The following TNIK variants were observed in gnomAD, a reference collection of about 807,000 sequenced individuals.
TNIK encodes the protein TRAF2 and NCK interacting kinase, also known as TRAF2 and NCK-interacting protein kinase.
A neutral mutation model predicts 191.3 loss-of-function variants in TNIK; 49 were observed. The ratio of observed to expected loss-of-function variants is 0.26; its 90% confidence interval spans 0.20 to 0.32. The LOEUF is 0.32. TNIK is among the 10% of genes least tolerant of loss of function. The pLI, the probability that TNIK is intolerant of heterozygous loss-of-function variation, is 1.00. For missense variants in TNIK, 1,155 were observed against 1,702.3 expected (o/e 0.68, Z 5.66); for synonymous variants, 594 against 600.9 (o/e 0.99, Z 0.17).
chr3:171,264,067 T>TACACACAC (rs760319253), intron 2 of TNIK, among the ~76,000 whole-genome samples: 176 of 110,808 alleles, frequency 1.6e-3, no homozygotes, highest in East Asian at 4.1e-3. Flanking sequence ...TATATATACA[T>TACACACAC]ACACACACAC....
At chr3:171,068,729 G>C (rs1287286444) in intron 30 of TNIK, 119 bp downstream of exon 30, 5 of 1,000,364 alleles carry the variant, frequency 5.0e-6, no homozygotes, top group Non-Finnish European at 6.7e-6. Context: ...AAGAACGAAA[G>C]TCCATTTGCT....
At chr3:171,106,120 G>A (rs140574894) in intron 21 of TNIK, among the ~76,000 whole-genome samples, 45 of 152,200 alleles carry the variant, frequency 3.0e-4, no homozygotes, top group African/African-American at 9.6e-4. Flanking sequence ...GAGGCTCTTC[G>A]GTGAAGACCA....
chr3:171,175,407 A>G, intron 8 of TNIK, 77 bp from the exon 9 acceptor site: 1 of 1,272,274 alleles, frequency 7.9e-7, no homozygotes, highest in South Asian at 1.5e-5. Context: ...CTGTGCAGAT[A>G]ATGGCTGCCC....
At chr3:171,092,858 A>G in intron 23 of TNIK, among the ~76,000 whole-genome samples, 1 of 152,234 alleles carries the variant, frequency 6.6e-6, no homozygotes, top group East Asian at 1.9e-4. Context: ...CTGGCTGAAG[A>G]GGAAAAACAG....
At chr3:171,193,183 C>A (rs1320014541) in intron 5 of TNIK, among the ~76,000 whole-genome samples, 1 of 152,182 alleles carries the variant, frequency 6.6e-6, no homozygotes, top group African/African-American at 2.4e-5. Context: ...AATCTTGTAA[C>A]AATACTACTC....
intron 1 of TNIK, among the ~76,000 whole-genome samples, chr3:171,410,522 G>A (rs1011296338): frequency 1.3e-5 from 2 of 152,194 alleles, no homozygotes; most frequent in African/African-American, 2.4e-5. Flanking sequence ...GCTCACGCCT[G>A]TAATCCCAGC....
chr3:171,268,056 A>G (rs1423218687), intron 2 of TNIK, among the ~76,000 whole-genome samples: 3 of 152,182 alleles, frequency 2.0e-5, no homozygotes, highest in African/African-American at 7.2e-5. Flanking sequence ...GTCCTTCTGG[A>G]AAACCGTCTC....
At chr3:171,242,060 A>C (rs1372513856) in intron 2 of TNIK, among the ~76,000 whole-genome samples, 1 of 152,006 alleles carries the variant, frequency 6.6e-6, no homozygotes, top group East Asian at 1.9e-4. Context: ...GATACACCTA[A>C]TGTAAATGAC....
chr3:171,095,331 C>G (rs1722572423), intron 22 of TNIK, among the ~76,000 whole-genome samples: 1 of 152,112 alleles, frequency 6.6e-6, no homozygotes, highest in Admixed American at 6.5e-5. Flanking sequence ...TTTAGGAGCT[C>G]AGGGGATTTG....
chr3:171,182,661 G>T (rs558442414), intron 7 of TNIK, among the ~76,000 whole-genome samples: 1 of 152,188 alleles, frequency 6.6e-6, no homozygotes, highest in East Asian at 1.9e-4. Flanking sequence ...TGCTGGAAAG[G>T]GTGGGAGTGG....
chr3:171,125,449 C>G (rs57731427), intron 17 of TNIK, among the ~76,000 whole-genome samples: 4,234 of 152,220 alleles, frequency 0.028, 195 homozygotes, highest in African/African-American at 0.097. Context: ...ATGGGGCCAA[C>G]TAAAATATCC....
At chr3:171,093,042 A>G (rs1158418100) in intron 23 of TNIK, among the ~76,000 whole-genome samples, 1 of 152,264 alleles carries the variant, frequency 6.6e-6, no homozygotes, top group Admixed American at 6.5e-5. Flanking sequence ...ATAAAATTTT[A>G]TAGATGGATG....
chr3:171,231,324 T>G (rs983423721), intron 2 of TNIK, among the ~76,000 whole-genome samples: 5 of 151,684 alleles, frequency 3.3e-5, no homozygotes, highest in East Asian at 1.9e-4. Context: ...TTTGTTTTTT[T>G]TTTTGTTTTT....
chr3:171,430,647 C>CAAAAAAAAAAAAA (rs34307433), intron 1 of TNIK, among the ~76,000 whole-genome samples: 1 of 113,958 alleles, frequency 8.8e-6, no homozygotes, highest in Non-Finnish European at 1.8e-5. Flanking sequence ...AAAAAACAGA[C>CAAAAAAAAAAAAA]AAAAAAAAAA....
chr3:171,259,236 G>T (rs1001767605), intron 2 of TNIK, among the ~76,000 whole-genome samples: 8 of 152,182 alleles, frequency 5.3e-5, no homozygotes, highest in African/African-American at 1.9e-4. Flanking sequence ...TTGACAAAAA[G>T]TTGGAAGGAC....
chr3:171,354,157 ATATATG>A (rs1713656959), intron 2 of TNIK, among the ~76,000 whole-genome samples: 1 of 152,244 alleles, frequency 6.6e-6, no homozygotes, highest in Admixed American at 6.5e-5. Flanking sequence ...TATATGTAAT[ATATATG>A]TAGATTTACA....
chr3:171,346,061 G>C (rs572069527), intron 2 of TNIK, among the ~76,000 whole-genome samples: 6 of 152,100 alleles, frequency 3.9e-5, no homozygotes, highest in African/African-American at 7.2e-5. Context: ...GTCAGGGAAG[G>C]CCTCTCTAAT....
chr3:171,371,522 A>G (rs535140687), intron 1 of TNIK, among the ~76,000 whole-genome samples: 1 of 152,290 alleles, frequency 6.6e-6, no homozygotes, highest in South Asian at 2.1e-4. Context: ...TGTCCTGAAA[A>G]ATCCAGAAGT....
intron 7 of TNIK, among the ~76,000 whole-genome samples, chr3:171,185,177 C>CTGTGTGTGTGTGTGTGTGTGTGTG: frequency 8.5e-6 from 1 of 118,032 alleles, no homozygotes; most frequent in African/African-American, 3.9e-5. Flanking sequence ...TATAGATTTC[C>CTGTGTGTGTGTGTGTGTGTGTGTG]CGTGTGTGTG....
Sources: gnomAD v4.1 joint callset for allele counts (sites outside exome capture counted in the v4.1 genomes callset) on GRCh38, gnomAD v4.1.1 for gene constraint, MANE v1.5 for transcripts, NCBI Gene and HGNC (gene_info 2026-07-23, HGNC 2026-07-21) for gene names.